Variants in RYR3 observed in about 807,000 individuals in gnomAD.
RYR3 encodes brain ryanodine receptor-calcium release channel.
In RYR3, 207 loss-of-function variants were observed where a neutral mutation model predicts 584.3. The ratio of observed to expected loss-of-function variants is 0.35; its 90% confidence interval spans 0.32 to 0.40. The LOEUF is 0.40. RYR3 is among the 10% of genes least tolerant of loss of function. The pLI, the probability that RYR3 is intolerant of heterozygous loss-of-function variation, is 1.00. For missense variants in RYR3, 5,616 were observed against 6,089.2 expected, an observed-to-expected ratio of 0.92 and a Z score of 2.59; for synonymous variants, 2,416 against 2,248.5, an observed-to-expected ratio of 1.07 and a Z score of -2.11.
At chr15:33,397,905 C>A (rs2042395252) in intron 1 of RYR3, among the ~76,000 whole-genome samples, 1 of 152,082 alleles carries the variant, frequency 6.6e-6, no homozygotes, top group African/African-American at 2.4e-5. Context: ...ATCTCCCATC[C>A]CATCATGGCC....
intron 3 of RYR3, among the ~76,000 whole-genome samples, chr15:33,513,728 A>C (rs1338958741): frequency 2.6e-5 from 4 of 152,134 alleles, no homozygotes; most frequent in Non-Finnish European, 5.9e-5. Flanking sequence ...TGGACTAGGC[A>C]GGGGGTGGAC....
chr15:33,745,904 G>A (rs1013428953), intron 52 of RYR3, among the ~76,000 whole-genome samples, 164 bp from the exon 53 acceptor site: 1 of 152,226 alleles, frequency 6.6e-6, no homozygotes, highest in African/African-American at 2.4e-5. Context: ...GAGGCGGAGA[G>A]CCTGATGGCC....
At chr15:33,864,461 A>C (rs1012833097) in intron 103 of RYR3, among the ~76,000 whole-genome samples, 3 of 152,196 alleles carry the variant, frequency 2.0e-5, no homozygotes, top group African/African-American at 7.2e-5. Flanking sequence ...TGAAATAAGA[A>C]ATTGTCTGAC....
intron 1 of RYR3, among the ~76,000 whole-genome samples, chr15:33,427,529 G>A (rs1464412985): frequency 6.6e-6 from 1 of 152,202 alleles, no homozygotes; most frequent in African/African-American, 2.4e-5. Context: ...ATTCTCTTCA[G>A]TGCAGGTTTA....
At chr15:33,732,551 T>C (rs2069064453) in intron 48 of RYR3, among the ~76,000 whole-genome samples, 1 of 152,142 alleles carries the variant, frequency 6.6e-6, no homozygotes, top group Non-Finnish European at 1.5e-5. Context: ...CCAAGAGCCT[T>C]GGGTCTTCAG....
intron 1 of RYR3, among the ~76,000 whole-genome samples, chr15:33,405,658 A>G (rs1035905815): frequency 1.6e-4 from 24 of 152,354 alleles, no homozygotes; most frequent in Middle Eastern, 6.8e-3. Flanking sequence ...GTAATGATGT[A>G]TATTAACCAA....
chr15:33,387,537 G>A (rs2041690705), intron 1 of RYR3, among the ~76,000 whole-genome samples: 1 of 152,018 alleles, frequency 6.6e-6, no homozygotes, highest in Non-Finnish European at 1.5e-5. Flanking sequence ...ATGGGCATAA[G>A]GTACCTGTCA....
rs115812506 is a variant in RYR3 at position 33,472,789 on chromosome 15, T to C, written c.52-630T>C. 5.1e-3 allele frequency among the ~76,000 whole-genome samples: 780 copies of C among 152,272 alleles called. 8 individuals carry two copies. Among genetic ancestry groups the C allele is most frequent in the African/African-American group, 0.018 (743 of 41,554 alleles). ...CTCCTTGAGAATTCAGAGCAGTTCT[T>C]CTACTTGACCTTCAGTTCCTCCTCC... On this transcript the variant is annotated intron_variant, in intron 1 of 103. Transcript: ENST00000634891.
At chr15:33,590,515 C>A (rs925874763) in intron 16 of RYR3, among the ~76,000 whole-genome samples, 2 of 152,046 alleles carry the variant, frequency 1.3e-5, no homozygotes, top group African/African-American at 4.8e-5. Context: ...CAAAGATATT[C>A]ATTCTTCTTC....
chr15:33,534,848 A>G (rs1316023466), intron 5 of RYR3, among the ~76,000 whole-genome samples: 3 of 152,178 alleles, frequency 2.0e-5, no homozygotes, highest in Non-Finnish European at 4.4e-5. Context: ...ATTCATGAAC[A>G]ATCTGACCAT....
chr15:33,604,612 C>A (rs1313400826), intron 18 of RYR3, among the ~76,000 whole-genome samples: 1 of 152,160 alleles, frequency 6.6e-6, no homozygotes, highest in African/African-American at 2.4e-5. Flanking sequence ...GTGGTCCTGA[C>A]ATAAGTGGAT....
At chr15:33,364,647 A>G (rs1296917662) in intron 1 of RYR3, among the ~76,000 whole-genome samples, 1 of 152,232 alleles carries the variant, frequency 6.6e-6, no homozygotes, top group Non-Finnish European at 1.5e-5. Flanking sequence ...TGAAAAAGTC[A>G]TCTCCTAAGA....
At position 33,757,569 on chromosome 15, in the gene RYR3, C is replaced by T. The variant is rs1419626928; in HGVS notation, c.8678C>T (p.Ser2893Phe). Residue 2893 changes from serine (S) to phenylalanine (F), a missense_variant, in exon 60 of 104, where the codon TCC becomes TTC. Physicochemically the swap from Ser to Phe is radical, Grantham distance 155 (BLOSUM62 -2). Around this residue, in one of 9 missense-constraint regions of RYR3, gnomAD observed 1,280 missense variants for 1,426.2 expected, o/e 0.90. Transcript: ENST00000634891. ...CCCCTTAGCAGCAGCGGATATGCCT[C>T]CCATAAGGAGAAAGAAATGGTGGCC... ...LKPLSSSGYA[S>F]HKEKEMVAGL... 1 of 1,611,160 alleles carries T rather than the reference C, an allele frequency of 6.2e-7. No homozygotes were observed. The highest frequency in any genetic ancestry group is 1.1e-5 in the South Asian group (1 of 89,924).
At chr15:33,582,242 A>G (rs1241302262) in intron 14 of RYR3, among the ~76,000 whole-genome samples, 3 of 152,206 alleles carry the variant, frequency 2.0e-5, no homozygotes. Flanking sequence ...AGAAGACAGT[A>G]TGAGCCTGTG....
chr15:33,471,404 CT>C (rs2048914543), intron 1 of RYR3, among the ~76,000 whole-genome samples: 1 of 152,020 alleles, frequency 6.6e-6, no homozygotes, highest in Non-Finnish European at 1.5e-5. Context: ...TTCTTGGCAG[CT>C]TGGGATGTGA....
intron 1 of RYR3, among the ~76,000 whole-genome samples, chr15:33,450,093 A>T (rs1188761004): frequency 1.7e-5 from 2 of 114,886 alleles, no homozygotes; most frequent in African/African-American, 7.9e-5. Flanking sequence ...TACCTAAAAA[A>T]AAAAAAAAAA....
chr15:33,689,519 T>A (rs1019403847), intron 38 of RYR3, among the ~76,000 whole-genome samples: 11 of 152,156 alleles, frequency 7.2e-5, no homozygotes, highest in African/African-American at 2.7e-4. Context: ...TCCAAAATAA[T>A]CATAGCAAAG....
intron 1 of RYR3, among the ~76,000 whole-genome samples, chr15:33,347,875 C>G (rs1972672770): frequency 6.6e-6 from 1 of 152,112 alleles, no homozygotes. Flanking sequence ...TTCCAGGAAC[C>G]CTAGTTCCTT....
Position 33,533,389 on chromosome 15 carries a change from G to A in RYR3, c.433G>A (p.Gly145Arg). ...FDVGLREHAT[G>R]EACWWTIHPA... ...TGTAGGTCTACGGGAACATGCCACAGGTGAGTCAGCATTCCCAGATCTCTT... is the reference window on the plus strand; with the variant it reads ...TGTAGGTCTACGGGAACATGCCACAAGTGAGTCAGCATTCCCAGATCTCTT... The change falls in exon 5 of 104, where the codon GGA becomes AGA. Residue 145 changes from glycine (G) to arginine (R), a missense_variant and splice_region_variant. Transcript: ENST00000634891. 2 of 1,601,384 alleles carry A rather than the reference G, an allele frequency of 1.2e-6. No individual in the cohort carries two copies. The highest frequency in any genetic ancestry group is 2.2e-5 in the East Asian group (1 of 44,622).
Sources: gnomAD v4.1 joint callset for allele counts (sites outside exome capture counted in the v4.1 genomes callset) on GRCh38, gnomAD v4.1.1 for gene constraint, gnomAD v4.1.1 regional missense constraint, MANE v1.5 for transcripts, NCBI Gene and HGNC (gene_info 2026-07-23, HGNC 2026-07-21) for gene names.